Variants in ARHGAP24 observed in about 807,000 individuals in gnomAD.
ARHGAP24 encodes the protein rho GTPase-activating protein 24.
Under a neutral mutation model 76.4 loss-of-function variants are expected in ARHGAP24, and 50 were observed. The observed-to-expected ratio is 0.65, with a 90% CI of 0.52 to 0.83. The LOEUF (loss-of-function observed/expected upper bound fraction) is 0.83. Ranked by LOEUF, ARHGAP24 falls within the 40% of genes least tolerant of loss-of-function variation. The pLI is 0.00. For missense variants in ARHGAP24, 930 were observed against 914.2 expected, an observed-to-expected ratio of 1.02 and a Z score of -0.22; for synonymous variants, 345 against 323.3, an observed-to-expected ratio of 1.07 and a Z score of -0.72.
intron 2 of ARHGAP24, among the ~76,000 whole-genome samples, chr4:85,699,342 C>T (rs1723982594): frequency 6.6e-6 from 1 of 152,130 alleles, no homozygotes; most frequent in African/African-American, 2.4e-5. Context: ...ACCTGTAATC[C>T]CAACACTGTG....
chr4:85,540,793 A>G (rs192298383), intron 1 of ARHGAP24, among the ~76,000 whole-genome samples: 2 of 152,224 alleles, frequency 1.3e-5, no homozygotes, highest in African/African-American at 4.8e-5. Context: ...TTAGCAAACA[A>G]TTCTCCATGA....
At chr4:85,572,859 T>C (rs1208361080) in intron 2 of ARHGAP24, among the ~76,000 whole-genome samples, 1 of 151,328 alleles carries the variant, frequency 6.6e-6, no homozygotes, top group Non-Finnish European at 1.5e-5. Context: ...TAAATAACTT[T>C]ATTCTTTTTT....
intron 2 of ARHGAP24, among the ~76,000 whole-genome samples, chr4:85,578,708 C>T (rs1727487298): frequency 2.0e-5 from 3 of 151,608 alleles, no homozygotes; most frequent in Admixed American, 6.6e-5. Context: ...AGTACCTGTC[C>T]ATATATAAAG....
chr4:85,752,164 G>A (rs1726288853), intron 3 of ARHGAP24, among the ~76,000 whole-genome samples: 1 of 152,212 alleles, frequency 6.6e-6, no homozygotes, highest in African/African-American at 2.4e-5. Flanking sequence ...TGCTCACTCT[G>A]CCTTACAGGT....
chr4:85,655,408 T>G (rs1391127189), intron 2 of ARHGAP24, among the ~76,000 whole-genome samples: 1 of 152,188 alleles, frequency 6.6e-6, no homozygotes, highest in East Asian at 1.9e-4. Flanking sequence ...TTTTAATTCT[T>G]ATTCATTTAA....
At chr4:85,851,377 G>A (rs36197925) in intron 3 of ARHGAP24, among the ~76,000 whole-genome samples, 24,417 of 152,110 alleles carry the variant, frequency 0.16, 2,577 homozygotes, top group Non-Finnish European at 0.23. Context: ...AATACAGCAC[G>A]TTGATGGGTC....
intron 2 of ARHGAP24, among the ~76,000 whole-genome samples, chr4:85,584,960 C>T (rs1267607053): frequency 6.6e-6 from 1 of 152,138 alleles, no homozygotes; most frequent in Non-Finnish European, 1.5e-5. Flanking sequence ...GTAGACCATG[C>T]TTGGTTGTTT....
intron 4 of ARHGAP24, among the ~76,000 whole-genome samples, chr4:85,927,562 C>T (rs1164585853): frequency 1.3e-5 from 2 of 152,136 alleles, no homozygotes; most frequent in Admixed American, 6.5e-5. Flanking sequence ...AGAGAATGCA[C>T]TTTCCCTTCC....
At chr4:85,834,259 C>T (rs1016525359) in intron 3 of ARHGAP24, among the ~76,000 whole-genome samples, 26 of 152,258 alleles carry the variant, frequency 1.7e-4, no homozygotes, top group Admixed American at 5.2e-4. Flanking sequence ...TTATCATTAT[C>T]TGTGACCTTC....
chr4:85,844,440 T>C (rs1730760943), intron 3 of ARHGAP24, among the ~76,000 whole-genome samples: 1 of 152,236 alleles, frequency 6.6e-6, no homozygotes. Context: ...TTTGTGATGA[T>C]GTTCTGGGAT....
chr4:85,715,455 G>A (rs1402920987), intron 2 of ARHGAP24, among the ~76,000 whole-genome samples: 1 of 151,880 alleles, frequency 6.6e-6, no homozygotes, highest in Non-Finnish European at 1.5e-5. Flanking sequence ...TACAAACTTC[G>A]CATGTATTAG....
At chr4:85,834,466 C>G (rs2110139434) in intron 3 of ARHGAP24, among the ~76,000 whole-genome samples, 1 of 152,300 alleles carries the variant, frequency 6.6e-6, no homozygotes, top group African/African-American at 2.4e-5. Context: ...TAATACTTCA[C>G]CCATCTCGCC....
intron 3 of ARHGAP24, among the ~76,000 whole-genome samples, chr4:85,887,680 A>T (rs1361280126): frequency 6.6e-6 from 1 of 152,052 alleles, no homozygotes; most frequent in Non-Finnish European, 1.5e-5. Flanking sequence ...TTCTCCTTTT[A>T]CCTCTGTCAT....
At chr4:85,592,027 A>G (rs1728133957) in intron 2 of ARHGAP24, among the ~76,000 whole-genome samples, 1 of 152,114 alleles carries the variant, frequency 6.6e-6, no homozygotes, top group African/African-American at 2.4e-5. Flanking sequence ...TGGCTCTATA[A>G]TCTGACCCGT....
At chr4:85,755,649 T>TTTTGAGACGGAG (rs1553927708) in intron 3 of ARHGAP24, among the ~76,000 whole-genome samples, 1 of 143,020 alleles carries the variant, frequency 7.0e-6, no homozygotes, top group Non-Finnish European at 1.6e-5. Context: ...TTGTTTTGTT[T>TTTTGAGACGGAG]TGAGACGGAG....
At chr4:85,826,950 G>A (rs1714571371) in intron 3 of ARHGAP24, among the ~76,000 whole-genome samples, 1 of 152,166 alleles carries the variant, frequency 6.6e-6, no homozygotes, top group African/African-American at 2.4e-5. Flanking sequence ...TAAGGCACTT[G>A]CAAGATTAAA....
At chr4:85,792,264 A>T (rs113606572) in intron 3 of ARHGAP24, among the ~76,000 whole-genome samples, 15 of 152,306 alleles carry the variant, frequency 9.8e-5, no homozygotes, top group African/African-American at 3.4e-4. Flanking sequence ...TTCAAATAAA[A>T]CATGATTGTC....
intron 2 of ARHGAP24, among the ~76,000 whole-genome samples, chr4:85,586,849 C>G (rs911246636): frequency 6.6e-6 from 1 of 152,018 alleles, no homozygotes; most frequent in African/African-American, 2.4e-5. Context: ...GGTGAACCGA[C>G]ATTGCTCCAC....
At chr4:85,852,251 CT>C (rs1731275215) in intron 3 of ARHGAP24, among the ~76,000 whole-genome samples, 1 of 152,210 alleles carries the variant, frequency 6.6e-6, no homozygotes, top group South Asian at 2.1e-4. Context: ...GCTACTGAAG[CT>C]TCTGTGTGTG....
Sources: allele counts gnomAD v4.1 joint callset (sites outside exome capture counted in the v4.1 genomes callset), GRCh38; gene constraint gnomAD v4.1.1; transcripts MANE v1.5; gene names NCBI Gene and HGNC (gene_info 2026-07-23, HGNC 2026-07-21).